The following COL23A1 variants were observed in gnomAD, a reference collection of about 807,000 sequenced individuals.
The protein encoded by COL23A1 is collagen alpha-1(XXIII) chain.
In COL23A1, 97 loss-of-function variants were observed where a neutral mutation model predicts 99.3. The observed-to-expected ratio is 0.98, with a 90% CI of 0.83 to 1.16. COL23A1 has a LOEUF of 1.16. Among genes scored for constraint, COL23A1 ranks in the 50% most tolerant of loss-of-function variants. The pLI, the probability that COL23A1 is intolerant of heterozygous loss-of-function variation, is 0.00. For missense variants in COL23A1, 762 were observed against 757.4 expected (o/e 1.01, Z -0.07); for synonymous variants, 320 against 308.2 (o/e 1.04, Z -0.40).
chr5:178,585,528 C>T (rs78093629), intron 1 of COL23A1, among the ~76,000 whole-genome samples: 2,917 of 54,092 alleles, frequency 0.054, 291 homozygotes, highest in Middle Eastern at 0.1. Flanking sequence ...CCCTGGATGA[C>T]GCTGGAGTAA....
intron 2 of COL23A1, among the ~76,000 whole-genome samples, chr5:178,455,492 G>T (rs759930665): frequency 2.0e-5 from 3 of 152,070 alleles, no homozygotes; most frequent in Non-Finnish European, 4.4e-5. Flanking sequence ...ACAACACCTG[G>T]CCACCTGCAT....
At chr5:178,302,627 T>C (rs1758136008) in intron 3 of COL23A1, among the ~76,000 whole-genome samples, 1 of 152,280 alleles carries the variant, frequency 6.6e-6, no homozygotes, top group African/African-American at 2.4e-5. Context: ...TGTACATAGC[T>C]GATGTGCCTT....
intron 1 of COL23A1, among the ~76,000 whole-genome samples, chr5:178,587,317 G>C (rs915748701): frequency 6.6e-6 from 1 of 152,146 alleles, no homozygotes; most frequent in African/African-American, 2.4e-5. Flanking sequence ...ATCATGAGTT[G>C]ACATGAATAT....
At chr5:178,563,358 G>A (rs1294620579) in intron 1 of COL23A1, among the ~76,000 whole-genome samples, 1 of 152,038 alleles carries the variant, frequency 6.6e-6, no homozygotes, top group Non-Finnish European at 1.5e-5. Context: ...CCACCCAGGC[G>A]CAGCAGACAC....
At chr5:178,413,727 T>C (rs777244205) in intron 2 of COL23A1, among the ~76,000 whole-genome samples, 1 of 152,184 alleles carries the variant, frequency 6.6e-6, no homozygotes, top group African/African-American at 2.4e-5. Context: ...CATTAGCCTA[T>C]GTGGGGATGG....
At chr5:178,449,226 T>C (rs1213986718) in intron 2 of COL23A1, among the ~76,000 whole-genome samples, 1 of 152,178 alleles carries the variant, frequency 6.6e-6, no homozygotes, top group Non-Finnish European at 1.5e-5. Context: ...TGGACTGAGA[T>C]GCTATCAGAG....
rs181023654 is a variant in COL23A1, at chr5:178,393,383, G to T, written c.362-86464C>A. 9.2e-4 allele frequency among the ~76,000 whole-genome samples: 140 copies of T among 152,256 alleles called. 1 individual carries two copies. The highest frequency in any genetic ancestry group is 3.2e-3 in the African/African-American group (132 of 41,556). On this transcript the variant is annotated intron_variant, in intron 2 of 28. Coordinates refer to ENST00000390654, the MANE Select transcript of COL23A1 (RefSeq NM_173465.4). The stretch of plus-strand genomic sequence containing the variant: ...GTGGGTGCCAGGGCTGTGGGGAGGA[G>T]GAATGGGGAGTTATGGCTTAATGGG...
At chr5:178,406,657 T>C (rs1036960161) in intron 2 of COL23A1, among the ~76,000 whole-genome samples, 12 of 152,098 alleles carry the variant, frequency 7.9e-5, no homozygotes, top group African/African-American at 2.9e-4. Flanking sequence ...CTTGAACTCC[T>C]GACCTTGTGA....
chr5:178,386,733 G>A (rs947321873), intron 2 of COL23A1, among the ~76,000 whole-genome samples: 1 of 152,158 alleles, frequency 6.6e-6, no homozygotes, highest in African/African-American at 2.4e-5. Flanking sequence ...CCCGTCAGGA[G>A]TCTGAGCAGA....
chr5:178,269,434 C>CCCACCCAT (rs1345386647), intron 6 of COL23A1, among the ~76,000 whole-genome samples: 1 of 99,680 alleles, frequency 1.0e-5, no homozygotes, highest in Non-Finnish European at 2.0e-5. Flanking sequence ...CATCCACCCA[C>CCCACCCAT]CCACCCATCC....
chr5:178,469,818 G>A lies in COL23A1; in HGVS notation c.361+90864C>T, dbSNP rs552732500. On this transcript the variant is annotated intron_variant, in intron 2 of 28. Transcript: ENST00000390654. ...GCCATTCCCCCTGAAAGTCCTAATGGTCTCGCAGGGTCGGGCCACGGAACC... is the reference window on the plus strand; with the variant it reads ...GCCATTCCCCCTGAAAGTCCTAATGATCTCGCAGGGTCGGGCCACGGAACC... Among the ~76,000 whole-genome samples the A allele has an allele frequency of 3.9e-5, 6 of 152,244 alleles. No individual in the cohort carries two copies. The South Asian group carries it at 8.3e-4, about 21-fold the overall frequency.
intron 2 of COL23A1, among the ~76,000 whole-genome samples, chr5:178,483,794 CAG>C (rs1757463160): frequency 5.9e-5 from 9 of 152,374 alleles, no homozygotes; most frequent in Admixed American, 3.9e-4. Context: ...GGAGCCCGTG[CAG>C]CGGGGTTCCT....
At position 178,308,282 on chromosome 5, in the gene COL23A1, A is replaced by AG. The variant is rs1207652551; in HGVS notation, c.362-1364dup. Among the ~76,000 whole-genome samples, 1 of 152,222 alleles carries AG rather than the reference A, an allele frequency of 6.6e-6. No homozygotes were observed. The highest frequency in any genetic ancestry group is 1.5e-5 in the Non-Finnish European group (1 of 68,038). On this transcript the variant is annotated intron_variant, in intron 2 of 28. Coordinates refer to ENST00000390654, the MANE Select transcript of COL23A1 (RefSeq NM_173465.4). The surrounding 1 kb of genome is among the most constrained non-coding windows in gnomAD (Gnocchi z 5.1). ...GACACGTCAAAAGATTTGCAGGCCC[A>AG]GGGGTGAGGCGAGAATGAATTTCTT... is the stretch of plus-strand genomic sequence containing the variant.
At chr5:178,260,689 G>T (rs978561159) in intron 11 of COL23A1, among the ~76,000 whole-genome samples, 99 of 152,214 alleles carry the variant, frequency 6.5e-4, no homozygotes, top group Admixed American at 5.9e-4. Flanking sequence ...AGGTACTTGA[G>T]AGGCTGAAGC....
rs1485886786 is a variant in COL23A1, at chr5:178,313,394, C to A, written c.362-6475G>T. 1.3e-5 allele frequency among the ~76,000 whole-genome samples: 2 copies of A among 152,156 alleles called. No homozygotes were observed. Among genetic ancestry groups the A allele is most frequent in the Non-Finnish European group, 2.9e-5 (2 of 68,008 alleles). The stretch of plus-strand genomic sequence containing the variant: ...TCACAATTAAAGAAAACAAAACAAA[C>A]ACCCCAGGGGTCTCAGCTACCCCTG... On this transcript the variant is annotated intron_variant, in intron 2 of 28. Transcript: ENST00000390654. The surrounding 1 kb of genome is among the most constrained non-coding windows in gnomAD (Gnocchi z 4.2).
chr5:178,527,061 C>T (rs1229142893), intron 2 of COL23A1, among the ~76,000 whole-genome samples: 2 of 152,188 alleles, frequency 1.3e-5, no homozygotes, highest in African/African-American at 4.8e-5. Flanking sequence ...CCACATCTTG[C>T]AGGGCACTTG....
chr5:178,546,811 G>C (rs774571691), intron 2 of COL23A1, among the ~76,000 whole-genome samples: 1 of 152,170 alleles, frequency 6.6e-6, no homozygotes, highest in South Asian at 2.1e-4. Flanking sequence ...AGGCAACTCC[G>C]TGCCAAAGGT....
intron 2 of COL23A1, among the ~76,000 whole-genome samples, chr5:178,481,299 G>A (rs959045435): frequency 7.9e-5 from 12 of 152,026 alleles, no homozygotes; most frequent in African/African-American, 2.9e-4. Flanking sequence ...AAACATAGGG[G>A]AAAATTTTCA....
At chr5:178,478,198 A>G (rs938372601) in intron 2 of COL23A1, among the ~76,000 whole-genome samples, 12 of 152,180 alleles carry the variant, frequency 7.9e-5, no homozygotes, top group Non-Finnish European at 1.6e-4. Flanking sequence ...AGCTCTGTAC[A>G]GGAGATTGAT....
Sources: gnomAD v4.1 joint callset for allele counts (sites outside exome capture counted in the v4.1 genomes callset) on GRCh38, gnomAD v4.1.1 for gene constraint, Gnocchi (gnomAD v3.1) non-coding constraint, MANE v1.5 for transcripts, NCBI Gene and HGNC (gene_info 2026-07-23, HGNC 2026-07-21) for gene names.